The following RGS7 variants were observed in gnomAD, a reference collection of about 807,000 sequenced individuals.
RGS7 encodes the protein regulator of G-protein signaling 7.
RGS7 carries 27 observed loss-of-function variants against 81.1 expected under a neutral mutation model. That is an observed-to-expected ratio of 0.33 (90% confidence interval 0.25 to 0.46). The LOEUF is 0.46. Ranked by LOEUF, RGS7 falls within the 20% of genes least tolerant of loss-of-function variation. The pLI is 1.00. For missense variants in RGS7, 396 were observed against 607.4 expected (o/e 0.65, Z 3.66); for synonymous variants, 208 against 207.7 (o/e 1.00, Z -0.01).
chr1:241,142,646 A>G (rs1016718390), intron 2 of RGS7, among the ~76,000 whole-genome samples: 2 of 152,208 alleles, frequency 1.3e-5, no homozygotes, highest in Non-Finnish European at 2.9e-5. Context: ...GGCCTGGCCA[A>G]TGAAACCACT....
Position 241,232,090 on chromosome 1 carries a change from C to T in RGS7, c.78+123609G>A, listed in dbSNP as rs183759064. On this transcript the variant is annotated intron_variant, in intron 2 of 18. Transcript: ENST00000440928. Reference sequence around the variant, plus strand: ...ATTTGTTTAGAAAACAATGCTTACCCCCTTTGAATTGCCTTTACACCTATG... The same window carrying T: ...ATTTGTTTAGAAAACAATGCTTACCTCCTTTGAATTGCCTTTACACCTATG... Among the ~76,000 whole-genome samples, 387 of 152,256 alleles carry T rather than the reference C, an allele frequency of 2.5e-3. 4 individuals are homozygous for T. Among genetic ancestry groups the T allele is most frequent in the African/African-American group, 9.0e-3 (372 of 41,548 alleles).
At chr1:241,248,931 C>T (rs557286418) in intron 2 of RGS7, among the ~76,000 whole-genome samples, 84 of 152,244 alleles carry the variant, frequency 5.5e-4, no homozygotes, top group Admixed American at 4.3e-3. Flanking sequence ...TTTTCCTCTT[C>T]GCTCACTGGA....
intron 2 of RGS7, among the ~76,000 whole-genome samples, chr1:241,330,415 A>T (rs2081905940): frequency 6.6e-6 from 1 of 152,250 alleles, no homozygotes; most frequent in Non-Finnish European, 1.5e-5. Context: ...GTAATTAAGT[A>T]GATTTATGTA....
chr1:241,027,915 C>T (rs1257575986), intron 3 of RGS7, among the ~76,000 whole-genome samples: 1 of 152,160 alleles, frequency 6.6e-6, no homozygotes, highest in Admixed American at 6.5e-5. Context: ...GATTATACTA[C>T]CTGTGACAGG....
At chr1:240,928,450 A>G (rs965180622) in intron 6 of RGS7, among the ~76,000 whole-genome samples, 2 of 152,194 alleles carry the variant, frequency 1.3e-5, no homozygotes, top group Non-Finnish European at 2.9e-5. Flanking sequence ...TGTGTAGGCC[A>G]TGACATTTCC....
chr1:241,049,794 A>G (rs1324355925), intron 3 of RGS7, among the ~76,000 whole-genome samples: 1 of 152,170 alleles, frequency 6.6e-6, no homozygotes, highest in East Asian at 1.9e-4. Flanking sequence ...GAACATCTCA[A>G]TAAGTTTAAT....
chr1:240,854,523 C>T (rs1047558248), intron 9 of RGS7, among the ~76,000 whole-genome samples: 38 of 152,120 alleles, frequency 2.5e-4, no homozygotes, highest in African/African-American at 9.2e-4. Flanking sequence ...GGAGAAGATC[C>T]AAGTAATGAC....
chr1:240,967,078 A>G (rs560801163), intron 4 of RGS7, among the ~76,000 whole-genome samples: 1 of 152,296 alleles, frequency 6.6e-6, no homozygotes, highest in South Asian at 2.1e-4. Context: ...ATGATGTGTC[A>G]GTGTGGGACA....
intron 2 of RGS7, among the ~76,000 whole-genome samples, chr1:241,331,823 T>C (rs1056537917): frequency 6.6e-6 from 1 of 152,200 alleles, no homozygotes; most frequent in Admixed American, 6.5e-5. Context: ...TGATTATTCA[T>C]TCATTCACAG....
intron 3 of RGS7, among the ~76,000 whole-genome samples, chr1:241,055,745 A>T (rs1476457659): frequency 1.3e-5 from 2 of 152,164 alleles, no homozygotes; most frequent in African/African-American, 4.8e-5. Context: ...ATCCCCCATA[A>T]GTGGGGAGTG....
intron 2 of RGS7, among the ~76,000 whole-genome samples, chr1:241,135,729 T>C (rs999420048): frequency 6.6e-6 from 1 of 152,112 alleles, no homozygotes; most frequent in South Asian, 2.1e-4. Flanking sequence ...TTCTCCCACG[T>C]GGTGTGGCCG....
At chr1:240,924,118 C>T (rs188962036) in intron 6 of RGS7, among the ~76,000 whole-genome samples, 2 of 152,284 alleles carry the variant, frequency 1.3e-5, no homozygotes, top group Non-Finnish European at 2.9e-5. Flanking sequence ...AACTGACCAA[C>T]TTAAAATCTG....
intron 6 of RGS7, among the ~76,000 whole-genome samples, chr1:240,886,926 C>A (rs575758641): frequency 6.6e-6 from 1 of 152,196 alleles, no homozygotes; most frequent in African/African-American, 2.4e-5. Context: ...AGTTTGAAGA[C>A]CTTGGGTTCT....
chr1:241,023,856 C>T (rs2148704614), intron 3 of RGS7, among the ~76,000 whole-genome samples: 1 of 152,310 alleles, frequency 6.6e-6, no homozygotes, highest in East Asian at 1.9e-4. Context: ...AGAGATTCTC[C>T]TGCCTCCACC....
chr1:240,924,019 T>C (rs1212643497), intron 6 of RGS7, among the ~76,000 whole-genome samples: 2 of 152,198 alleles, frequency 1.3e-5, no homozygotes. Flanking sequence ...TAGTTCACCA[T>C]GTATTTGATC....
intron 2 of RGS7, among the ~76,000 whole-genome samples, chr1:241,330,873 C>T (rs568052348): frequency 6.6e-6 from 1 of 152,290 alleles, no homozygotes; most frequent in South Asian, 2.1e-4. Context: ...AAAGTCCAAA[C>T]CACAGCATTA....
At chr1:241,135,800 T>TG (rs2067468404) in intron 2 of RGS7, among the ~76,000 whole-genome samples, 1 of 152,028 alleles carries the variant, frequency 6.6e-6, no homozygotes, top group African/African-American at 2.4e-5. Context: ...TATTTTTTTT[T>TG]GAGACAGAGT....
chr1:241,032,115 C>G (rs566795079), intron 3 of RGS7, among the ~76,000 whole-genome samples: 8 of 152,220 alleles, frequency 5.3e-5, no homozygotes, highest in Non-Finnish European at 4.4e-5. Context: ...TCAGGTCTTA[C>G]ATTTAAGTCT....
At chr1:240,968,500 G>A (rs1025981076) in intron 4 of RGS7, among the ~76,000 whole-genome samples, 1 of 151,722 alleles carries the variant, frequency 6.6e-6, no homozygotes. Flanking sequence ...CAGGAATTCT[G>A]GATAATTCAA....
Sources: gnomAD v4.1 joint callset for allele counts (sites outside exome capture counted in the v4.1 genomes callset) on GRCh38, gnomAD v4.1.1 for gene constraint, MANE v1.5 for transcripts, NCBI Gene and HGNC (gene_info 2026-07-23, HGNC 2026-07-21) for gene names.